ZEB1: variants seen among roughly 807,000 people sequenced by gnomAD.
ZEB1 encodes zinc finger E-box binding homeobox 1, also known as zinc finger E-box-binding homeobox 1.
In ZEB1, 21 loss-of-function variants were observed where a neutral mutation model predicts 84.9. That is an observed-to-expected ratio of 0.25 (90% CI 0.18 to 0.36). ZEB1 has a LOEUF of 0.36. Among genes scored for constraint, ZEB1 ranks in the 10% least tolerant of loss-of-function variants. The probability of loss-of-function intolerance (pLI) is 1.00; values close to 1 mark genes in which losing one functional copy is unlikely to be tolerated. For synonymous variants in ZEB1, 420 were observed against 471.1 expected (o/e 0.89, Z 1.41); for missense variants, 1,104 against 1,330.2 (o/e 0.83, Z 2.65).
Position 31,339,261 on chromosome 10 carries a change from T to A in ZEB1, c.58+19969T>A, listed in dbSNP as rs115743645. ...TTAGCTACTTTAAATAGCTTAACTT[T>A]CAGTGACACATGGTTTTAACAGGCA... On this transcript the variant is annotated intron_variant, in intron 1 of 8. Transcript: ENST00000424869. 2.4e-3 allele frequency among the ~76,000 whole-genome samples: 369 copies of A among 152,318 alleles called. 2 individuals are homozygous for A. The highest frequency in any genetic ancestry group is 8.5e-3 in the African/African-American group (354 of 41,568).
At chr10:31,452,440 G>A (rs991467165) in intron 1 of ZEB1, among the ~76,000 whole-genome samples, 2 of 152,036 alleles carry the variant, frequency 1.3e-5, no homozygotes, top group South Asian at 4.2e-4. Context: ...CTCTTTCCTG[G>A]AGTAATATTA....
At chr10:31,400,115 C>T (rs560798436) in intron 1 of ZEB1, among the ~76,000 whole-genome samples, 49 of 152,226 alleles carry the variant, frequency 3.2e-4, no homozygotes, top group Non-Finnish European at 4.1e-4. Context: ...GACCTGTTAC[C>T]ATCTACCATC....
chr10:31,464,246 G>A (rs905893545), intron 2 of ZEB1, among the ~76,000 whole-genome samples: 1 of 152,028 alleles, frequency 6.6e-6, no homozygotes, highest in African/African-American at 2.4e-5. Flanking sequence ...CCAGCTACTC[G>A]GGAGGCTGAG....
chr10:31,342,997 G>T (rs2133639034), intron 1 of ZEB1, among the ~76,000 whole-genome samples: 1 of 152,178 alleles, frequency 6.6e-6, no homozygotes, highest in African/African-American at 2.4e-5. Flanking sequence ...TCACCTCTTT[G>T]TTTCATAGCT....
intron 2 of ZEB1, among the ~76,000 whole-genome samples, chr10:31,479,080 A>G (rs563029222): frequency 6.6e-6 from 1 of 151,886 alleles, no homozygotes; most frequent in South Asian, 2.1e-4. Context: ...GATACTAAAC[A>G]AAGACAGAGG....
chr10:31,319,459 C>T lies in ZEB1; in HGVS notation c.58+167C>T, dbSNP rs192804640. 2.5e-3 allele frequency: 1,655 copies of T among 668,830 alleles called. 4 individuals carry two copies. Among genetic ancestry groups the T allele is most frequent in the Admixed American group, 4.1e-3 (145 of 35,526 alleles). The allele number at this position is 668,830 out of a possible 1,614,324, so 41.4% of individuals were successfully genotyped here. On this transcript the variant is annotated intron_variant, in intron 1 of 8. Coordinates refer to ENST00000424869, the MANE Select transcript of ZEB1 (RefSeq NM_001174096.2). ...GCTCTCTGCCCCCCTCCGCTGCCGC[C>T]GCTGCCGGAGCCGCGCCGCGGCCGC...
intron 1 of ZEB1, chr10:31,363,592 G>C: frequency 6.6e-7 from 1 of 1,521,920 alleles, no homozygotes; most frequent in South Asian, 1.2e-5. Context: ...GGGCTCTTCT[G>C]CGCTCACCTC....
intron 4 of ZEB1, among the ~76,000 whole-genome samples, chr10:31,508,940 C>T (rs2069469658): frequency 6.6e-6 from 1 of 152,116 alleles, no homozygotes; most frequent in South Asian, 2.1e-4. Flanking sequence ...GCACTTTGTC[C>T]CCAGCGGTGG....
intron 3 of ZEB1, among the ~76,000 whole-genome samples, chr10:31,497,975 T>TAGATAGATA (rs1565123912): frequency 1.9e-5 from 2 of 107,840 alleles, no homozygotes; most frequent in African/African-American, 6.9e-5. Context: ...ATAGATAGAT[T>TAGATAGATA]TAAAAATATT....
intron 1 of ZEB1, among the ~76,000 whole-genome samples, chr10:31,426,909 A>C (rs2057002858): frequency 6.6e-6 from 1 of 152,204 alleles, no homozygotes; most frequent in Non-Finnish European, 1.5e-5. Context: ...TAACTGAAGC[A>C]GTAGATTTTG....
At chr10:31,325,475 A>G (rs1005959019) in intron 1 of ZEB1, among the ~76,000 whole-genome samples, 2 of 151,996 alleles carry the variant, frequency 1.3e-5, no homozygotes, top group Non-Finnish European at 2.9e-5. Context: ...TTCTCCTCCT[A>G]ATCAACATTA....
chr10:31,514,683 A>C lies in ZEB1; in HGVS notation c.768A>C (p.Leu256=). Residue 256 remains leucine (L), a synonymous_variant, in exon 6 of 9, where the codon CTA becomes CTC. Coordinates refer to ENST00000424869, the MANE Select transcript of ZEB1 (RefSeq NM_001174096.2). ...AAGCTTTCAAATACAAACATCACCT[A>C]AAAGAGCACTTAAGAATTCACAGTG... The part of the protein sequence containing the change: ...CGKAFKYKHH[L]KEHLRIHSGE... 1 of 1,612,624 alleles carries C rather than the reference A, an allele frequency of 6.2e-7. No individual in the cohort carries two copies. The highest frequency in any genetic ancestry group is 8.5e-7 in the Non-Finnish European group (1 of 1,178,970).
intron 1 of ZEB1, among the ~76,000 whole-genome samples, chr10:31,452,742 T>TGTGTGTGTGTGAGAGA (rs1387786622): frequency 5.2e-4 from 47 of 90,810 alleles, no homozygotes; most frequent in Non-Finnish European, 6.2e-4. Context: ...TGTGTGTGTG[T>TGTGTGTGTGTGAGAGA]GAGAGAGAGA....
At chr10:31,336,602 C>G (rs543562833) in intron 1 of ZEB1, among the ~76,000 whole-genome samples, 1 of 151,922 alleles carries the variant, frequency 6.6e-6, no homozygotes, top group African/African-American at 2.4e-5. Flanking sequence ...TGCCTAATCC[C>G]GTATTTAGCA....
chr10:31,392,457 C>A (rs1016797031), intron 1 of ZEB1, among the ~76,000 whole-genome samples: 2 of 152,080 alleles, frequency 1.3e-5, no homozygotes, highest in Admixed American at 1.3e-4. Context: ...ATATACACTT[C>A]CTGTTGGTTT....
At chr10:31,512,423 A>G (rs2070255105) in intron 5 of ZEB1, among the ~76,000 whole-genome samples, 1 of 152,200 alleles carries the variant, frequency 6.6e-6, no homozygotes, top group African/African-American at 2.4e-5. Context: ...AAGGTCAGGA[A>G]GGAGCTGTGA....
intron 1 of ZEB1, among the ~76,000 whole-genome samples, chr10:31,380,316 G>T (rs1232872857): frequency 6.6e-6 from 1 of 152,146 alleles, no homozygotes. Context: ...CGAACTAAAA[G>T]TTGGCTTGAA....
intron 1 of ZEB1, among the ~76,000 whole-genome samples, chr10:31,382,480 A>G (rs1338934458): frequency 1.3e-5 from 2 of 152,186 alleles, no homozygotes; most frequent in African/African-American, 4.8e-5. Flanking sequence ...AACTAAATGT[A>G]TGACAAAATA....
intron 2 of ZEB1, among the ~76,000 whole-genome samples, chr10:31,489,549 C>A (rs1393603124): frequency 6.6e-6 from 1 of 151,154 alleles, no homozygotes; most frequent in Non-Finnish European, 1.5e-5. Context: ...TTTCACTCTT[C>A]TGGTCCTCTT....
Sources: gnomAD v4.1 joint callset for allele counts (sites outside exome capture counted in the v4.1 genomes callset) on GRCh38, gnomAD v4.1.1 for gene constraint, MANE v1.5 for transcripts, NCBI Gene and HGNC (gene_info 2026-07-23, HGNC 2026-07-21) for gene names.